Variants in ZNF528 observed in about 807,000 individuals in gnomAD.
ZNF528 encodes zinc finger protein 528.
ZNF528 carries 9 observed loss-of-function variants against 13.3 expected under a neutral mutation model. The observed-to-expected ratio is 0.67, with a 90% confidence interval of 0.41 to 1.18. The LOEUF (loss-of-function observed/expected upper bound fraction) is 1.18, where lower values mean the gene tolerates loss of function less well. Among genes scored for constraint, ZNF528 ranks in the 50% most tolerant of loss-of-function variants. The pLI is 0.01. For missense variants in ZNF528, 858 were observed against 745.4 expected (o/e 1.15, Z -1.76); for synonymous variants, 264 against 254.3 (o/e 1.04, Z -0.36).
Position 52,415,957 on chromosome 19 carries a change from A to G in ZNF528, c.1105A>G (p.Ile369Val), listed in dbSNP as rs749585196. The change falls in exon 7 of 7, where the codon ATA becomes GTA. Residue 369 changes from isoleucine (I) to valine (V), a missense_variant. By Grantham distance (29) the Ile-to-Val change is conservative. Transcript: ENST00000360465. ...GKAFSVRSSL[I>V]THQLIHTGRK... Reference sequence around the variant, plus strand: ...AGCATTTTCAGTGCGTTCCAGCCTCATAACCCATCAGTTAATTCACACTGG... The same window carrying G: ...AGCATTTTCAGTGCGTTCCAGCCTCGTAACCCATCAGTTAATTCACACTGG... The G allele has an allele frequency of 7.4e-6, 12 of 1,613,860 alleles. No homozygotes were observed. In the South Asian group the frequency reaches 9.9e-5, roughly 13 times the overall value.
rs56136198 is a variant in ZNF528, at chr19:52,400,227, A to AACACACACACACAC, written c.-136-1433_-136-1420dup. ...CCCAGATGGAGTTGTTGCCCATTAA[A>AACACACACACACAC]ACACACACACACACACACACACACA... On this transcript the variant is annotated intron_variant, in intron 2 of 6. Transcript: ENST00000360465. 3.3e-3 allele frequency among the ~76,000 whole-genome samples: 480 copies of AACACACACACACAC among 144,704 alleles called. 2 individuals are homozygous for AACACACACACACAC. Among genetic ancestry groups the AACACACACACACAC allele is most frequent in the African/African-American group, 0.011 (419 of 38,948 alleles). The allele number at this position is 144,704 out of a possible 152,430, so 94.9% of individuals were successfully genotyped here.
At position 52,415,187 on chromosome 19, in the gene ZNF528, C is replaced by G; in HGVS notation, c.335C>G (p.Thr112Ser). 2 of 1,612,358 alleles carry G rather than the reference C, an allele frequency of 1.2e-6. No homozygotes were observed. Among genetic ancestry groups the G allele is most frequent in the Non-Finnish European group, 8.5e-7 (1 of 1,179,238 alleles). ...CCTTGTAAAAATCAACTTGGATTCA[C>G]TTTTCAGTTACATCTGAGTGATCTA... ...NKPCKNQLGF[T>S]FQLHLSDLQL... The change falls in exon 7 of 7, where the codon ACT (threonine) becomes AGT (serine). Residue 112 changes from threonine to serine, a missense_variant. By Grantham distance (58) the Thr-to-Ser change is moderately conservative. Coordinates refer to ENST00000360465, the MANE Select transcript of ZNF528 (RefSeq NM_032423.3).
Position 52,401,948 on chromosome 19 carries a change from A to T in ZNF528, c.-66A>T. The T allele has an allele frequency of 5.6e-6, 9 of 1,613,674 alleles. No homozygotes were observed. Among genetic ancestry groups the T allele is most frequent in the Non-Finnish European group, 7.6e-6 (9 of 1,179,786 alleles). ...AAGCAGCATATTTTTGACATTCAGGATTCACTTCCAAAGAGACATATTATG... is the reference window on the plus strand; with the variant it reads ...AAGCAGCATATTTTTGACATTCAGGTTTCACTTCCAAAGAGACATATTATG... On this transcript the variant is annotated splice_region_variant and 5_prime_UTR_variant, in exon 4 of 7. Transcript: ENST00000360465.
chr19:52,414,953 C>A lies in ZNF528; in HGVS notation c.272-171C>A, dbSNP rs998534209. ...GACTCCTGCAGATTCCCCACTGCTC[C>A]AATGCATCACCTCAGTTCCTTGTGT... is the stretch of plus-strand genomic sequence containing the variant. On this transcript the variant is annotated intron_variant, in intron 6 of 6. Coordinates refer to ENST00000360465, the MANE Select transcript of ZNF528 (RefSeq NM_032423.3). 3 of 1,530,790 alleles carry A rather than the reference C, an allele frequency of 2.0e-6. No individual in the cohort carries two copies. In the African/African-American group the frequency reaches 4.1e-5, roughly 21 times the overall value. The allele number at this position is 1,530,790 out of a possible 1,614,324, so 94.8% of individuals were successfully genotyped here.
chr19:52,409,349 G>A (rs2058900588), intron 6 of ZNF528, among the ~76,000 whole-genome samples: 1 of 151,162 alleles, frequency 6.6e-6, no homozygotes, highest in South Asian at 2.1e-4. Context: ...GCCCAGGCTG[G>A]AGTGCAGTGC....
chr19:52,417,410 T>A lies in ZNF528; in HGVS notation c.*671T>A, dbSNP rs940784516. On this transcript the variant is annotated 3_prime_UTR_variant, in exon 7 of 7. Transcript: ENST00000360465. ...TCATACTGTTGCAGTTAGCACACTT[T>A]CTCCTGACATAAGTGCACAGAGCTT... 6.1e-6 allele frequency: 1 copy of A among 165,252 alleles called. No homozygotes were observed. Among genetic ancestry groups the A allele is most frequent in the East Asian group, 1.8e-4 (1 of 5,556 alleles). 10.2% of individuals were successfully genotyped at this position (165,252 alleles called of 1,614,324 possible). A position where few individuals can be genotyped will look rare whatever the true frequency, so the allele number is the denominator to read the frequency against.
intron 6 of ZNF528, among the ~76,000 whole-genome samples, chr19:52,408,787 G>A (rs559811795): frequency 4.6e-5 from 7 of 151,160 alleles, no homozygotes; most frequent in Non-Finnish European, 5.9e-5. Context: ...GGCTGGTCCC[G>A]AACTCCTGAC....
intron 6 of ZNF528, 115 bp from the exon 7 acceptor site, chr19:52,415,009 A>G: frequency 6.4e-7 from 1 of 1,560,390 alleles, no homozygotes; most frequent in Non-Finnish European, 8.7e-7. Flanking sequence ...TACACACAAT[A>G]CCCTGATACT....
intron 2 of ZNF528, among the ~76,000 whole-genome samples, chr19:52,400,748 A>G (rs559611420): frequency 1.3e-5 from 2 of 151,588 alleles, no homozygotes; most frequent in African/African-American, 4.8e-5. Flanking sequence ...CTGGTCTTGA[A>G]CTCCTGACTT....
chr19:52,405,629 A>G (rs1039091290), intron 4 of ZNF528, among the ~76,000 whole-genome samples: 3 of 151,904 alleles, frequency 2.0e-5, no homozygotes, highest in Non-Finnish European at 4.4e-5. Flanking sequence ...GTGTAAAAAT[A>G]CCTAACACTT....
chr19:52,404,069 T>C (rs545408685), intron 4 of ZNF528, among the ~76,000 whole-genome samples: 1 of 152,298 alleles, frequency 6.6e-6, no homozygotes, highest in Non-Finnish European at 1.5e-5. Context: ...TCCTGATCTG[T>C]TACTTAACTG....
chr19:52,400,130 C>A (rs2058774079), intron 2 of ZNF528, among the ~76,000 whole-genome samples: 1 of 151,940 alleles, frequency 6.6e-6, no homozygotes, highest in Non-Finnish European at 1.5e-5. Flanking sequence ...TTCACTCTCT[C>A]CTGATGCCAC....
At position 52,415,522 on chromosome 19, in the gene ZNF528, T is replaced by G. The variant is rs1401414345; in HGVS notation, c.670T>G (p.Cys224Gly). 1 of 1,613,910 alleles carries G rather than the reference T, an allele frequency of 6.2e-7. No individual in the cohort carries two copies. Among genetic ancestry groups the G allele is most frequent in the Non-Finnish European group, 8.5e-7 (1 of 1,179,984 alleles). The change falls in exon 7 of 7, where the codon TGC (cysteine) becomes GGC (glycine). Residue 224 changes from cysteine (C) to glycine (G), a missense_variant. By Grantham distance (159) the Cys-to-Gly change is radical. Coordinates refer to ENST00000360465, the MANE Select transcript of ZNF528 (RefSeq NM_032423.3). ...CAGTGAATGTGGCAAGGTCTTTAGT[T>G]GCAGTTCAAAGCTTGTGATACATCG... ...KCSECGKVFS[C>G]SSKLVIHRRM...
chr19:52,399,161 GC>G (rs963355259), intron 2 of ZNF528, among the ~76,000 whole-genome samples: 1 of 152,074 alleles, frequency 6.6e-6, no homozygotes, highest in African/African-American at 2.4e-5. Flanking sequence ...GAAAAAAAGA[GC>G]TAGGAAAAAA....
intron 6 of ZNF528, chr19:52,414,514 T>G (rs2058974448): frequency 1.8e-6 from 1 of 568,946 alleles, no homozygotes; most frequent in Non-Finnish European, 3.1e-6. Context: ...TACAACAGGT[T>G]TGCAAGACTG....
chr19:52,418,373 T>C lies in ZNF528; in HGVS notation c.*1634T>C, dbSNP rs2059024683. The C allele has an allele frequency of 6.6e-6, 1 of 152,222 alleles. No individual in the cohort carries two copies. The highest frequency in any genetic ancestry group is 2.4e-5 in the African/African-American group (1 of 41,458). 9.4% of individuals were successfully genotyped at this position (152,222 alleles called of 1,614,324 possible). ...TTTAGAATGTATGCAGCTCTCATGT[T>C]TGTAGTAATAAAGTTTCATTTTTCC... On this transcript the variant is annotated 3_prime_UTR_variant, in exon 7 of 7. Transcript: ENST00000360465.
Position 52,406,021 on chromosome 19 carries a change from C to T in ZNF528, c.130C>T (p.Leu44=), listed in dbSNP as rs753116369. 1 of 1,610,218 alleles carries T rather than the reference C, an allele frequency of 6.2e-7. No individual in the cohort carries two copies. Among genetic ancestry groups the T allele is most frequent in the South Asian group, 1.1e-5 (1 of 91,050 alleles). The stretch of plus-strand genomic sequence containing the variant: ...CGTGATGTTGGAGAATTATAGGAAC[C>T]TGGTCTCCCTGGGTGAGGATAATGT... The part of the protein sequence containing the change: ...RDVMLENYRN[L]VSLGICLPDL... Residue 44 remains leucine (L), a synonymous_variant, in exon 5 of 7, where the codon CTG becomes TTG. Coordinates refer to ENST00000360465, the MANE Select transcript of ZNF528 (RefSeq NM_032423.3).
chr19:52,405,703 T>G (rs1423271459), intron 4 of ZNF528, among the ~76,000 whole-genome samples: 1 of 151,178 alleles, frequency 6.6e-6, no homozygotes, highest in Admixed American at 6.6e-5. Flanking sequence ...ACATCTACAC[T>G]GATTTAAGGA....
In ZNF528 at chr19:52,416,389, A is replaced by G. The variant is rs753801662; in HGVS notation, c.1537A>G (p.Lys513Glu). The G allele has an allele frequency of 1.9e-6, 3 of 1,614,084 alleles. No individual in the cohort carries two copies. Among genetic ancestry groups the G allele is most frequent in the East Asian group, 2.2e-5 (1 of 44,888 alleles). Residue 513 changes from lysine to glutamate, a missense_variant, in exon 7 of 7, where the codon AAA (lysine) becomes GAA (glutamate). Lys to Glu is a moderately conservative substitution (Grantham distance 56). Transcript: ENST00000360465. Reference sequence around the variant, plus strand: ...CAGTTCAAACCTGGTATGCCATCAGAAAATTCATACAGGAGAAAAGCCTTA... The same window carrying G: ...CAGTTCAAACCTGGTATGCCATCAGGAAATTCATACAGGAGAAAAGCCTTA... ...SRSSNLVCHQKIHTGEKPYKC... is the reference protein window; with the variant it reads ...SRSSNLVCHQEIHTGEKPYKC...
Sources: gnomAD v4.1 joint callset for allele counts (sites outside exome capture counted in the v4.1 genomes callset) on GRCh38, gnomAD v4.1.1 for gene constraint, MANE v1.5 for transcripts, NCBI Gene and HGNC (gene_info 2026-07-23, HGNC 2026-07-21) for gene names.